Variants in SLC24A2 observed in about 807,000 individuals in gnomAD.
SLC24A2 encodes solute carrier family 24 member 2.
In SLC24A2, 36 loss-of-function variants were observed where a neutral mutation model predicts 62.0. The ratio of observed to expected loss-of-function variants is 0.58; its 90% CI spans 0.44 to 0.77. The LOEUF is 0.77. Among genes scored for constraint, SLC24A2 ranks in the 30% least tolerant of loss-of-function variants. SLC24A2 has a pLI of 0.00. For missense variants in SLC24A2, 846 were observed against 817.9 expected (o/e 1.03, Z -0.42); for synonymous variants, 358 against 294.0 (o/e 1.22, Z -2.23).
At chr9:19,554,050 G>C (rs1336120346) in intron 7 of SLC24A2, among the ~76,000 whole-genome samples, 2 of 152,160 alleles carry the variant, frequency 1.3e-5, no homozygotes, top group African/African-American at 4.8e-5. Flanking sequence ...AGGTAATTAA[G>C]TTAAAACAAG....
At chr9:19,629,583 G>T (rs1405747855) in intron 2 of SLC24A2, among the ~76,000 whole-genome samples, 1 of 152,194 alleles carries the variant, frequency 6.6e-6, no homozygotes, top group Non-Finnish European at 1.5e-5. Flanking sequence ...GAACGGCATA[G>T]ATTTAAGTAA....
chr9:20,090,827 T>C, the SLC24A2 span, among the ~76,000 whole-genome samples: 1 of 151,886 alleles, frequency 6.6e-6, no homozygotes, highest in Non-Finnish European at 1.5e-5. Flanking sequence ...ACTGTACAAG[T>C]TCTCCAAAAA....
intron 5 of SLC24A2, among the ~76,000 whole-genome samples, chr9:19,591,570 G>A (rs1463924052): frequency 6.6e-6 from 1 of 152,144 alleles, no homozygotes; most frequent in Non-Finnish European, 1.5e-5. Context: ...TTAAAAAGAA[G>A]ACAAAATATC....
the SLC24A2 span, among the ~76,000 whole-genome samples, chr9:19,823,681 G>A: frequency 6.6e-6 from 1 of 151,880 alleles, no homozygotes; most frequent in Non-Finnish European, 1.5e-5. Flanking sequence ...GATCAGGAGT[G>A]TTGAGAGTGG....
chr9:19,720,711 A>C (rs1821000253), intron 2 of SLC24A2, among the ~76,000 whole-genome samples: 1 of 121,786 alleles, frequency 8.2e-6, no homozygotes, highest in African/African-American at 2.9e-5. Flanking sequence ...AAAAAAAATC[A>C]CCTTGATGTG....
At chr9:20,221,564 C>T in the SLC24A2 span, among the ~76,000 whole-genome samples, 2 of 149,800 alleles carry the variant, frequency 1.3e-5, no homozygotes, top group South Asian at 2.3e-4. Context: ...TAAAACCATA[C>T]TAAATGGTAG....
the SLC24A2 span, among the ~76,000 whole-genome samples, chr9:19,923,355 A>G: frequency 6.6e-6 from 1 of 152,204 alleles, no homozygotes; most frequent in Non-Finnish European, 1.5e-5. Flanking sequence ...CTGTTCCTTT[A>G]AAGTCTTCAT....
chr9:20,235,281 G>A, the SLC24A2 span, among the ~76,000 whole-genome samples: 1 of 152,256 alleles, frequency 6.6e-6, no homozygotes, highest in Admixed American at 6.5e-5. Flanking sequence ...AGTCTGCAGA[G>A]GTTACTGCTG....
intron 4 of SLC24A2, among the ~76,000 whole-genome samples, chr9:19,606,645 C>A (rs912600092): frequency 1.3e-4 from 19 of 151,370 alleles, no homozygotes; most frequent in African/African-American, 4.6e-4. Context: ...TATATGAGAA[C>A]ACACACACAC....
chr9:20,270,411 A>C, the SLC24A2 span, among the ~76,000 whole-genome samples: 1 of 152,204 alleles, frequency 6.6e-6, no homozygotes, highest in Non-Finnish European at 1.5e-5. Flanking sequence ...TAAGAGAATT[A>C]GTCATAACTA....
At chr9:19,706,460 AG>A (rs1820523238) in intron 2 of SLC24A2, among the ~76,000 whole-genome samples, 1 of 150,784 alleles carries the variant, frequency 6.6e-6, no homozygotes, top group African/African-American at 2.4e-5. Flanking sequence ...ACTCACTGCA[AG>A]CTCCGCCTCC....
At chr9:19,737,398 C>G (rs1194601468) in intron 2 of SLC24A2, among the ~76,000 whole-genome samples, 2 of 152,056 alleles carry the variant, frequency 1.3e-5, no homozygotes, top group South Asian at 4.1e-4. Flanking sequence ...CATGGGTGTT[C>G]TGTTGATGGC....
chr9:19,935,035 T>C, the SLC24A2 span, among the ~76,000 whole-genome samples: 7 of 151,722 alleles, frequency 4.6e-5, no homozygotes, highest in Non-Finnish European at 1.0e-4. Flanking sequence ...TATTTTTATT[T>C]TATTTATTTA....
the SLC24A2 span, among the ~76,000 whole-genome samples, chr9:19,856,370 C>T: frequency 6.6e-6 from 1 of 152,056 alleles, no homozygotes; most frequent in African/African-American, 2.4e-5. Flanking sequence ...GGCACTCTGG[C>T]TTTTTGAGTT....
At chr9:20,216,311 TTC>T in the SLC24A2 span, among the ~76,000 whole-genome samples, 2 of 152,222 alleles carry the variant, frequency 1.3e-5, no homozygotes, top group Admixed American at 1.3e-4. Context: ...TTTGGTTTAT[TTC>T]TCTGTCTCCT....
intron 10 of SLC24A2, among the ~76,000 whole-genome samples, chr9:19,518,147 A>G (rs1002623164): frequency 2.6e-5 from 4 of 152,244 alleles, no homozygotes; most frequent in African/African-American, 9.6e-5. Flanking sequence ...ATTTTGAATA[A>G]TAAAAAGCTG....
the SLC24A2 span, among the ~76,000 whole-genome samples, chr9:19,969,639 G>A: frequency 7.9e-5 from 12 of 152,142 alleles, no homozygotes; most frequent in Non-Finnish European, 1.6e-4. Context: ...TGAGGATTGA[G>A]GCTACAGTAG....
chr9:20,223,835 G>T, the SLC24A2 span, among the ~76,000 whole-genome samples: 4 of 152,084 alleles, frequency 2.6e-5, no homozygotes, highest in Non-Finnish European at 4.4e-5. Flanking sequence ...CTGCTATAAA[G>T]AGCTACCTGA....
At chr9:20,015,353 C>T in the SLC24A2 span, among the ~76,000 whole-genome samples, 1 of 152,160 alleles carries the variant, frequency 6.6e-6, no homozygotes, top group African/African-American at 2.4e-5. Flanking sequence ...TGCACTGTGT[C>T]AAGATGCTAA....
Sources: gnomAD v4.1 joint callset for allele counts (sites outside exome capture counted in the v4.1 genomes callset) on GRCh38, gnomAD v4.1.1 for gene constraint, MANE v1.5 for transcripts, NCBI Gene and HGNC (gene_info 2026-07-23, HGNC 2026-07-21) for gene names.